The following FHOD3 variants were observed in gnomAD, a reference collection of about 807,000 sequenced individuals.
The protein encoded by FHOD3 is formin homology 2 domain containing 3, also known as FH1/FH2 domain-containing protein 3.
FHOD3 carries 90 observed loss-of-function variants against 173.0 expected under a neutral mutation model. That is an observed-to-expected ratio of 0.52 (90% CI 0.44 to 0.62). The LOEUF (loss-of-function observed/expected upper bound fraction) is 0.62, where lower values mean the gene tolerates loss of function less well. Ranked by LOEUF, FHOD3 falls within the 20% of genes least tolerant of loss-of-function variation. The probability of loss-of-function intolerance (pLI) is 0.00; values close to 1 mark genes in which losing one functional copy is unlikely to be tolerated. For synonymous variants in FHOD3, 828 were observed against 823.0 expected (o/e 1.01, Z -0.10); for missense variants, 1,945 against 2,034.7 (o/e 0.96, Z 0.85).
chr18:36,754,349 G>T (rs1032907023), intron 24 of FHOD3, among the ~76,000 whole-genome samples: 11 of 152,076 alleles, frequency 7.2e-5, no homozygotes, highest in Admixed American at 7.2e-4. Flanking sequence ...TCCACAGAAA[G>T]CTTTCCCTCT....
intron 25 of FHOD3, among the ~76,000 whole-genome samples, chr18:36,756,842 C>T (rs1348860466): frequency 1.3e-5 from 2 of 152,196 alleles, no homozygotes; most frequent in Non-Finnish European, 2.9e-5. Flanking sequence ...GTTCTGAATT[C>T]CAGTGCCATC....
chr18:36,708,783 C>T (rs572584407), intron 17 of FHOD3, among the ~76,000 whole-genome samples: 3 of 152,166 alleles, frequency 2.0e-5, no homozygotes, highest in African/African-American at 4.8e-5. Context: ...TCTCCTGCTT[C>T]GAATCTCTGA....
At position 36,595,144 on chromosome 18, in the gene FHOD3, C is replaced by CCT. The variant is rs1599795986; in HGVS notation, c.718+249_718+250dup. The stretch of plus-strand genomic sequence containing the variant: ...AGGTCAGATCCTGAGCTTGTCTTTG[C>CCT]CTCTACCCAGCTCCTGCCACTGAAA... On this transcript the variant is annotated intron_variant, in intron 7 of 28. Coordinates refer to ENST00000590592, the MANE Select transcript of FHOD3 (RefSeq NM_001281740.3). Among the ~76,000 whole-genome samples, 4 of 152,248 alleles carry CCT rather than the reference C, an allele frequency of 2.6e-5. No homozygotes were observed. The East Asian group carries it at 7.7e-4, about 29-fold the overall frequency.
chr18:36,348,239 G>T (rs895855532), intron 1 of FHOD3, among the ~76,000 whole-genome samples: 3 of 152,162 alleles, frequency 2.0e-5, no homozygotes, highest in Admixed American at 1.3e-4. Flanking sequence ...AAGCTTCATG[G>T]CTGCCTAGCA....
chr18:36,321,554 A>G (rs2044393662), intron 1 of FHOD3, among the ~76,000 whole-genome samples: 1 of 151,952 alleles, frequency 6.6e-6, no homozygotes, highest in South Asian at 2.1e-4. Flanking sequence ...GTGCTTTTGG[A>G]GTATATAGAG....
chr18:36,705,947 C>CTGTGTG lies in FHOD3; in HGVS notation c.2237-3109_2237-3104dup, dbSNP rs3222016. Reference sequence around the variant, plus strand: ...CTGGCTTAGAGACACTCAGAAGGAACTGTGTGTGTGTGTGTGTGTGTGTGT... The same window carrying CTGTGTG: ...CTGGCTTAGAGACACTCAGAAGGAACTGTGTGTGTGTGTGTGTGTGTGTGTGTGTGT... On this transcript the variant is annotated intron_variant, in intron 17 of 28. Transcript: ENST00000590592. Among the ~76,000 whole-genome samples, 812 of 142,782 alleles carry CTGTGTG rather than the reference C, an allele frequency of 5.7e-3. 7 individuals carry two copies. Among genetic ancestry groups the CTGTGTG allele is most frequent in the Middle Eastern group, 0.015 (4 of 274 alleles). 93.7% of individuals were successfully genotyped at this position (142,782 alleles called of 152,430 possible).
Position 36,372,713 on chromosome 18 carries a change from G to T in FHOD3, c.306G>T (p.Thr102=), listed in dbSNP as rs373704703. The stretch of plus-strand genomic sequence containing the variant: ...AGAAGCACAGCATCATCCTAAGGAC[G>T]CAGCTGTCTGTGAGGGTCCATGCCT... ...RGKKHSIILR[T]QLSVRVHACI... is the part of the protein sequence containing the mutation. Residue 102 remains threonine (T), a synonymous_variant, in exon 3 of 29, where the codon ACG becomes ACT. Transcript: ENST00000590592. The T allele has an allele frequency of 2.5e-6, 4 of 1,614,002 alleles. No individual in the cohort carries two copies. In the Admixed American group the frequency reaches 5.0e-5, roughly 20 times the overall value.
chr18:36,435,721 G>A (rs1453803838), intron 3 of FHOD3, among the ~76,000 whole-genome samples: 2 of 152,152 alleles, frequency 1.3e-5, no homozygotes, highest in Non-Finnish European at 2.9e-5. Flanking sequence ...GTTAAAGAAT[G>A]CACAGATTTG....
intron 3 of FHOD3, among the ~76,000 whole-genome samples, chr18:36,466,769 G>GGT (rs1448588920): frequency 6.6e-6 from 1 of 152,082 alleles, no homozygotes; most frequent in Non-Finnish European, 1.5e-5. Context: ...AGGTCCATTT[G>GGT]GTGGGAGTCA....
chr18:36,627,771 G>C (rs766879420), intron 10 of FHOD3, among the ~76,000 whole-genome samples: 2 of 152,168 alleles, frequency 1.3e-5, no homozygotes, highest in Admixed American at 6.5e-5. Flanking sequence ...TGGGAATGCA[G>C]TGGTGAAATG....
chr18:36,702,820 G>C, intron 17 of FHOD3, among the ~76,000 whole-genome samples: 1 of 152,116 alleles, frequency 6.6e-6, no homozygotes, highest in East Asian at 1.9e-4. Flanking sequence ...GTGTGTGCGC[G>C]TGTGTGTGTG....
At chr18:36,650,144 A>G (rs1300354357) in intron 11 of FHOD3, among the ~76,000 whole-genome samples, 2 of 152,236 alleles carry the variant, frequency 1.3e-5, no homozygotes, top group African/African-American at 4.8e-5. Flanking sequence ...GTATTCAGAA[A>G]TAATTCTAAA....
chr18:36,664,036 A>G (rs1253421482), intron 14 of FHOD3, among the ~76,000 whole-genome samples: 2 of 152,166 alleles, frequency 1.3e-5, no homozygotes, highest in African/African-American at 4.8e-5. Context: ...GTTTTGCTGG[A>G]TCCCAGATGC....
At chr18:36,501,546 A>G (rs1000232799) in intron 3 of FHOD3, among the ~76,000 whole-genome samples, 5 of 152,204 alleles carry the variant, frequency 3.3e-5, no homozygotes, top group African/African-American at 7.2e-5. Context: ...TCAAGTGGAA[A>G]TAGTTTATAA....
At chr18:36,517,717 T>G (rs964785579) in intron 5 of FHOD3, among the ~76,000 whole-genome samples, 2 of 152,258 alleles carry the variant, frequency 1.3e-5, no homozygotes, top group Admixed American at 1.3e-4. Context: ...AACCTTTTCA[T>G]TTTAGAAGAA....
At chr18:36,623,562 T>C (rs2033871056) in intron 9 of FHOD3, among the ~76,000 whole-genome samples, 1 of 152,212 alleles carries the variant, frequency 6.6e-6, no homozygotes, top group Non-Finnish European at 1.5e-5. Flanking sequence ...GTTCTTGCAG[T>C]TACAATGCAG....
intron 2 of FHOD3, among the ~76,000 whole-genome samples, chr18:36,361,156 C>A (rs1333179384): frequency 6.6e-6 from 1 of 151,948 alleles, no homozygotes; most frequent in Non-Finnish European, 1.5e-5. Flanking sequence ...GGTTCAAGCT[C>A]CTGTCTTCAT....
At chr18:36,343,817 A>T (rs2045749941) in intron 1 of FHOD3, among the ~76,000 whole-genome samples, 1 of 152,118 alleles carries the variant, frequency 6.6e-6, no homozygotes, top group South Asian at 2.1e-4. Flanking sequence ...AACACAAAAC[A>T]GACAAAGACA....
intron 14 of FHOD3, among the ~76,000 whole-genome samples, chr18:36,674,085 A>G (rs1421703007): frequency 2.6e-5 from 4 of 152,242 alleles, no homozygotes; most frequent in African/African-American, 9.6e-5. Context: ...ATTTCAGAGT[A>G]TATTTTCAAA....
Sources: gnomAD v4.1 joint callset for allele counts (sites outside exome capture counted in the v4.1 genomes callset) on GRCh38, gnomAD v4.1.1 for gene constraint, MANE v1.5 for transcripts, NCBI Gene and HGNC (gene_info 2026-07-23, HGNC 2026-07-21) for gene names.